The following ITGA4 variants were observed in gnomAD, a reference collection of about 807,000 sequenced individuals.
The protein encoded by ITGA4 is integrin alpha-4.
ITGA4 carries 63 observed loss-of-function variants against 133.6 expected under a neutral mutation model. The ratio of observed to expected loss-of-function variants is 0.47; its 90% CI spans 0.38 to 0.58. ITGA4 has a LOEUF of 0.58. Ranked by LOEUF, ITGA4 falls within the 20% of genes least tolerant of loss-of-function variation. ITGA4 has a pLI of 0.00. For missense variants in ITGA4, 1,076 were observed against 1,252.7 expected, an observed-to-expected ratio of 0.86 and a Z score of 2.13; for synonymous variants, 483 against 438.0, an observed-to-expected ratio of 1.10 and a Z score of -1.28.
At position 181,537,627 on chromosome 2, in the gene ITGA4, A is replaced by G. The variant is rs1378005412; in HGVS notation, c.*2100A>G. The G allele has an allele frequency of 4.6e-6, 2 of 434,516 alleles. No homozygotes were observed. Among genetic ancestry groups the G allele is most frequent in the Non-Finnish European group, 9.1e-6 (2 of 220,432 alleles). The allele number at this position is 434,516 out of a possible 1,614,324, so 26.9% of individuals were successfully genotyped here. ...TATAGGAAATTTAACATAATTGATG[A>G]GCTCAAATCCTGAAAAATGAAAGAA... On this transcript the variant is annotated 3_prime_UTR_variant, in exon 28 of 28. Coordinates refer to ENST00000397033, the MANE Select transcript of ITGA4 (RefSeq NM_000885.6).
At chr2:181,493,775 A>G (rs1047796309) in intron 11 of ITGA4, among the ~76,000 whole-genome samples, 3 of 152,174 alleles carry the variant, frequency 2.0e-5, no homozygotes, top group African/African-American at 4.8e-5. Context: ...AGAGCCCCAT[A>G]TTTTGTGAAG....
chr2:181,483,400 G>A (rs560558140), intron 9 of ITGA4, among the ~76,000 whole-genome samples: 1 of 147,818 alleles, frequency 6.8e-6, no homozygotes, highest in African/African-American at 2.4e-5. Context: ...TTGAAAACAA[G>A]AGTGGGCTTG....
chr2:181,502,262 C>T (rs561448862), intron 15 of ITGA4, among the ~76,000 whole-genome samples: 27 of 152,098 alleles, frequency 1.8e-4, no homozygotes, highest in African/African-American at 6.5e-4. Flanking sequence ...GAATTGGAAG[C>T]GTCATAGGTT....
rs564430873 is a variant in ITGA4, at chr2:181,466,095, G to T, written c.319+7778G>T. 5.4e-3 allele frequency among the ~76,000 whole-genome samples: 821 copies of T among 152,158 alleles called. 4 individuals carry two copies. The highest frequency in any genetic ancestry group is 8.5e-3 in the Non-Finnish European group (579 of 67,984). ...TTAGTTATTAAAAAGACTTGCGTAC[G>T]TTTTCTGTGGGATTTTGAAGAAGTC... On this transcript the variant is annotated intron_variant, in intron 2 of 27. Transcript: ENST00000397033.
intron 2 of ITGA4, among the ~76,000 whole-genome samples, chr2:181,472,158 A>C (rs1685569486): frequency 6.6e-6 from 1 of 152,204 alleles, no homozygotes; most frequent in South Asian, 2.1e-4. Flanking sequence ...TAAAACAAGA[A>C]GGAGGCAATG....
rs1045109436 is a variant in ITGA4 at position 181,511,341 on chromosome 2, G to C, written c.1846-358G>C. 1.1e-4 allele frequency among the ~76,000 whole-genome samples: 16 copies of C among 152,098 alleles called. No homozygotes were observed. The South Asian group carries it at 3.3e-3, about 32-fold the overall frequency. On this transcript the variant is annotated intron_variant, in intron 16 of 27. Coordinates refer to ENST00000397033, the MANE Select transcript of ITGA4 (RefSeq NM_000885.6). ...AGTGCCATACTTACACGTAATAAATGGGATCAAACTGCAGCAACAGAAAAT... is the reference window on the plus strand; with the variant it reads ...AGTGCCATACTTACACGTAATAAATCGGATCAAACTGCAGCAACAGAAAAT...
chr2:181,495,658 T>G lies in ITGA4; in HGVS notation c.1386-125T>G. On this transcript the variant is annotated intron_variant, in intron 13 of 27. Coordinates refer to ENST00000397033, the MANE Select transcript of ITGA4 (RefSeq NM_000885.6). This position sits in a 1 kb window ranked among gnomAD's most constrained non-coding sequence, Gnocchi z 4.3. The stretch of plus-strand genomic sequence containing the variant: ...GCCCTGTGCACAGAAATGTAATTAG[T>G]ATGTACACACATAATAAGACTCATG... 1 of 789,288 alleles carries G rather than the reference T, an allele frequency of 1.3e-6. No individual in the cohort carries two copies. Among genetic ancestry groups the G allele is most frequent in the Non-Finnish European group, 2.0e-6 (1 of 492,614 alleles). The allele number at this position is 789,288 out of a possible 1,614,324, so 48.9% of individuals were successfully genotyped here. A position where few individuals can be genotyped will look rare whatever the true frequency, so the allele number is the denominator to read the frequency against.
intron 4 of ITGA4, chr2:181,476,049 G>A: frequency 1.6e-6 from 1 of 609,674 alleles, no homozygotes; most frequent in Non-Finnish European, 2.5e-6. Flanking sequence ...CTTTGGCCAA[G>A]TATTTGAGTT....
At position 181,536,128 on chromosome 2, in the gene ITGA4, A is replaced by T. The variant is rs1254685911; in HGVS notation, c.*601A>T. ...TGAATATTATAGTATTATAGGCCAA[A>T]CTGGCAAACTTCAGACTGAACATGT... On this transcript the variant is annotated 3_prime_UTR_variant, in exon 28 of 28. Coordinates refer to ENST00000397033, the MANE Select transcript of ITGA4 (RefSeq NM_000885.6). 2.0e-5 allele frequency: 3 copies of T among 152,074 alleles called. No homozygotes were observed. Among genetic ancestry groups the T allele is most frequent in the Non-Finnish European group, 4.4e-5 (3 of 67,966 alleles). 9.4% of individuals were successfully genotyped at this position (152,074 alleles called of 1,614,324 possible).
chr2:181,496,471 C>T (rs1263314324), intron 14 of ITGA4, among the ~76,000 whole-genome samples: 3 of 152,052 alleles, frequency 2.0e-5, no homozygotes. Flanking sequence ...ATTGAAGAAG[C>T]TAGACTTGAT....
At chr2:181,487,960 A>G (rs1201918841) in intron 10 of ITGA4, among the ~76,000 whole-genome samples, 1 of 152,230 alleles carries the variant, frequency 6.6e-6, no homozygotes, top group Non-Finnish European at 1.5e-5. Context: ...ACACAAAATC[A>G]CTGTTTAGTA....
intron 2 of ITGA4, chr2:181,458,590 C>G: frequency 2.3e-6 from 1 of 439,848 alleles, no homozygotes; most frequent in Non-Finnish European, 4.2e-6. Flanking sequence ...TTCATCTCTC[C>G]CCGTCTCTCC....
At chr2:181,489,487 G>T (rs540243379) in intron 10 of ITGA4, among the ~76,000 whole-genome samples, 10 of 151,930 alleles carry the variant, frequency 6.6e-5, no homozygotes, top group African/African-American at 2.4e-4. Context: ...ACTATTTATC[G>T]GTTTAGTTTC....
intron 11 of ITGA4, 110 bp downstream of exon 11, chr2:181,493,529 A>T: frequency 6.8e-6 from 4 of 587,408 alleles, no homozygotes; most frequent in Non-Finnish European, 1.2e-5. Context: ...CAAATACTTA[A>T]CACTTTATTT....
intron 26 of ITGA4, 82 bp from the exon 27 acceptor site, chr2:181,534,734 G>A: frequency 1.7e-6 from 2 of 1,187,732 alleles, no homozygotes; most frequent in Non-Finnish European, 2.4e-6. Flanking sequence ...GATTATGGCA[G>A]GGCTTTAAAG....
intron 2 of ITGA4, among the ~76,000 whole-genome samples, chr2:181,468,966 A>G (rs1459412701): frequency 6.6e-6 from 1 of 152,198 alleles, no homozygotes; most frequent in Admixed American, 6.5e-5. Flanking sequence ...CATGTAAAGT[A>G]CTTTTTCAAT....
In ITGA4 at chr2:181,538,453, A is replaced by C. The variant is rs1456519075; in HGVS notation, c.*2926A>C. 6.6e-6 allele frequency among the ~76,000 whole-genome samples: 1 copy of C among 152,080 alleles called. No homozygotes were observed. Among genetic ancestry groups the C allele is most frequent in the Non-Finnish European group, 1.5e-5 (1 of 68,004 alleles). On this transcript the variant is annotated 3_prime_UTR_variant, in exon 28 of 28. Coordinates refer to ENST00000397033, the MANE Select transcript of ITGA4 (RefSeq NM_000885.6). ...AAAACCTCCTTAACTGACTTCCTTG[A>C]TTGTCCAATGCTCTCCATTACCTCT...
At chr2:181,459,100 T>C (rs1023948770) in intron 2 of ITGA4, 2 of 152,234 alleles carry the variant, frequency 1.3e-5, no homozygotes, top group Non-Finnish European at 2.9e-5. Flanking sequence ...TATATATTGC[T>C]TAACTTTTTT....
At chr2:181,519,983 G>T (rs1686685118) in intron 17 of ITGA4, among the ~76,000 whole-genome samples, 1 of 152,026 alleles carries the variant, frequency 6.6e-6, no homozygotes, top group Admixed American at 6.6e-5. Context: ...AGACTGTGTT[G>T]TTAGGCTCTG....
Sources: allele counts gnomAD v4.1 joint callset (sites outside exome capture counted in the v4.1 genomes callset), GRCh38; gene constraint gnomAD v4.1.1; non-coding constraint Gnocchi (gnomAD v3.1); transcripts MANE v1.5; gene names NCBI Gene and HGNC (gene_info 2026-07-23, HGNC 2026-07-21).